The following GPHN variants were observed in gnomAD, a reference collection of about 807,000 sequenced individuals.
The protein encoded by GPHN is gephyrin.
GPHN carries 17 observed loss-of-function variants against 95.5 expected under a neutral mutation model. The observed-to-expected ratio is 0.18, with a 90% CI of 0.12 to 0.27. The LOEUF (loss-of-function observed/expected upper bound fraction) is 0.27. GPHN is among the 10% of genes least tolerant of loss of function. The pLI is 1.00. For synonymous variants in GPHN, 320 were observed against 322.5 expected, an observed-to-expected ratio of 0.99 and a Z score of 0.08; for missense variants, 660 against 978.1, an observed-to-expected ratio of 0.67 and a Z score of 4.34.
At chr14:67,713,298 C>T in the GPHN span, among the ~76,000 whole-genome samples, 1 of 150,624 alleles carries the variant, frequency 6.6e-6, no homozygotes, top group African/African-American at 2.4e-5. Flanking sequence ...CTCATTTTCC[C>T]TATTGGAAGT....
At chr14:66,902,596 A>C (rs1229956411) in intron 5 of GPHN, among the ~76,000 whole-genome samples, 1 of 152,054 alleles carries the variant, frequency 6.6e-6, no homozygotes, top group Non-Finnish European at 1.5e-5. Flanking sequence ...AGCTTCATTA[A>C]ATGTTTTTAC....
chr14:67,621,068 C>G, the GPHN span: 1 of 1,076,564 alleles, frequency 9.3e-7, no homozygotes, highest in Non-Finnish European at 1.4e-6. Context: ...TGTTTGGGAA[C>G]AGTCTGCCAC....
chr14:66,679,934 G>C (rs2066841877), intron 1 of GPHN, among the ~76,000 whole-genome samples: 2 of 151,880 alleles, frequency 1.3e-5, no homozygotes, highest in Admixed American at 1.3e-4. Context: ...CACATTTTGT[G>C]CCCCTTTCCA....
intron 3 of GPHN, among the ~76,000 whole-genome samples, chr14:66,814,355 C>T (rs1431439362): frequency 1.3e-5 from 2 of 152,216 alleles, no homozygotes; most frequent in Admixed American, 1.3e-4. Flanking sequence ...CCCCCACCAG[C>T]TGTGTTGCCT....
intron 11 of GPHN, among the ~76,000 whole-genome samples, chr14:67,075,570 A>G (rs1233379942): frequency 3.3e-5 from 5 of 152,128 alleles, no homozygotes; most frequent in Non-Finnish European, 7.4e-5. Flanking sequence ...TAAATTGAAA[A>G]CTTTCTGGAA....
the GPHN span, among the ~76,000 whole-genome samples, chr14:67,325,986 T>G: frequency 6.9e-6 from 1 of 145,656 alleles, no homozygotes; most frequent in Non-Finnish European, 1.5e-5. Flanking sequence ...TTTCTTTTTT[T>G]TTTTTTTTTT....
chr14:67,601,853 A>G, the GPHN span, among the ~76,000 whole-genome samples: 1 of 152,032 alleles, frequency 6.6e-6, no homozygotes, highest in Non-Finnish European at 1.5e-5. Context: ...CCTGGGCAAC[A>G]GAGCAAGACT....
the GPHN span, among the ~76,000 whole-genome samples, chr14:67,326,273 A>G: frequency 4.2e-5 from 2 of 47,716 alleles, no homozygotes; most frequent in African/African-American, 1.6e-4. Context: ...AGGAGATTCT[A>G]TATGTCACCC....
the GPHN span, among the ~76,000 whole-genome samples, chr14:67,510,799 T>C: frequency 1.3e-5 from 2 of 152,020 alleles, no homozygotes; most frequent in Non-Finnish European, 2.9e-5. Flanking sequence ...AAAAAGGAGA[T>C]GGGGGTTGTC....
At chr14:66,708,794 A>G (rs2069340814) in intron 2 of GPHN, among the ~76,000 whole-genome samples, 1 of 152,068 alleles carries the variant, frequency 6.6e-6, no homozygotes, top group African/African-American at 2.4e-5. Flanking sequence ...TGGACTGTAG[A>G]TTATATGGTT....
At chr14:67,590,023 T>G in the GPHN span, 183 of 1,507,620 alleles carry the variant, frequency 1.2e-4, no homozygotes, top group East Asian at 3.7e-3. Flanking sequence ...AACCAGCCCC[T>G]ATGGCTTAAG....
At chr14:67,243,602 T>C in the GPHN span, among the ~76,000 whole-genome samples, 1 of 150,084 alleles carries the variant, frequency 6.7e-6, no homozygotes, top group Non-Finnish European at 1.5e-5. Context: ...ACGCCATTTT[T>C]CTGCCTCAGC....
chr14:66,908,803 A>C (rs984309475), intron 5 of GPHN, among the ~76,000 whole-genome samples: 56 of 151,860 alleles, frequency 3.7e-4, no homozygotes, highest in Non-Finnish European at 8.8e-5. Context: ...CCCTAATCTT[A>C]TCATCAGAAA....
chr14:66,521,089 C>G (rs1380206066), intron 1 of GPHN, among the ~76,000 whole-genome samples: 1 of 152,102 alleles, frequency 6.6e-6, no homozygotes, highest in East Asian at 1.9e-4. Flanking sequence ...ACCACATTTT[C>G]TTTATCCAGT....
At chr14:66,877,121 AC>A (rs1204194176) in intron 4 of GPHN, among the ~76,000 whole-genome samples, 20 of 152,226 alleles carry the variant, frequency 1.3e-4, no homozygotes, top group African/African-American at 4.6e-4. Context: ...CATAAACTGA[AC>A]CAATGACAAA....
intron 10 of GPHN, among the ~76,000 whole-genome samples, chr14:67,052,934 C>T (rs953566486): frequency 2.0e-4 from 30 of 152,032 alleles, no homozygotes; most frequent in East Asian, 5.8e-4. Context: ...ACCTCTGGGA[C>T]GCAGCCAAAG....
chr14:67,534,101 C>A, the GPHN span, among the ~76,000 whole-genome samples: 1 of 152,106 alleles, frequency 6.6e-6, no homozygotes, highest in East Asian at 1.9e-4. Context: ...ACTTGAAAGA[C>A]CATTTAAAAA....
At chr14:67,515,404 C>T in the GPHN span, 39 of 175,896 alleles carry the variant, frequency 2.2e-4, no homozygotes, top group Admixed American at 2.0e-4. Flanking sequence ...AGGAAAGGAG[C>T]CCCCGGCGGC....
At position 67,123,570 on chromosome 14, in the gene GPHN, G is replaced by T. The variant is rs902400773; in HGVS notation, c.1748+1193G>T. On this transcript the variant is annotated intron_variant, in intron 17 of 22. Coordinates refer to ENST00000478722, the MANE Select transcript of GPHN (RefSeq NM_020806.5). ...ACACATCTGTAATCCCAGCTACTCG[G>T]GAGGCTGAGGCATGAGAATCATTTG... Among the ~76,000 whole-genome samples, 8 of 152,268 alleles carry T rather than the reference G, an allele frequency of 5.3e-5. 1 individual carries two copies. Among genetic ancestry groups the T allele is most frequent in the Admixed American group, 2.6e-4 (4 of 15,296 alleles).
Sources: gnomAD v4.1 joint callset for allele counts (sites outside exome capture counted in the v4.1 genomes callset) on GRCh38, gnomAD v4.1.1 for gene constraint, MANE v1.5 for transcripts, NCBI Gene and HGNC (gene_info 2026-07-23, HGNC 2026-07-21) for gene names.